The following PAFAH1B2 variants were observed in gnomAD, a reference collection of about 807,000 sequenced individuals.
The protein encoded by PAFAH1B2 is platelet-activating factor acetylhydrolase IB subunit alpha2.
Under a neutral mutation model 28.0 loss-of-function variants are expected in PAFAH1B2, and 8 were observed. That is an observed-to-expected ratio of 0.29 (90% CI 0.17 to 0.52). The LOEUF is 0.52. Among genes scored for constraint, PAFAH1B2 ranks in the 20% least tolerant of loss-of-function variants. The probability of loss-of-function intolerance (pLI) is 0.97; values close to 1 mark genes in which losing one functional copy is unlikely to be tolerated. For missense variants in PAFAH1B2, 190 were observed against 282.6 expected, an observed-to-expected ratio of 0.67 and a Z score of 2.35; for synonymous variants, 104 against 103.2, an observed-to-expected ratio of 1.01 and a Z score of -0.05.
intron 5 of PAFAH1B2, 125 bp downstream of exon 5, chr11:117,164,017 TG>T: frequency 1.1e-6 from 1 of 887,518 alleles, no homozygotes; most frequent in South Asian, 1.6e-5. Flanking sequence ...ATACTTTCGT[TG>T]ACCTCTTCTT....
chr11:117,163,263 C>T (rs960430924), intron 4 of PAFAH1B2, among the ~76,000 whole-genome samples: 12 of 152,186 alleles, frequency 7.9e-5, no homozygotes, highest in Admixed American at 3.9e-4. Context: ...TAAGACCAGC[C>T]TGGGCAATAT....
At chr11:117,171,512 G>T (rs375466162), downstream of PAFAH1B2, 99 of 581,068 alleles carry the variant, frequency 1.7e-4, no homozygotes, top group African/African-American at 1.7e-3. Flanking sequence ...CTCCAGCCTG[G>T]GCAACAGAGC....
chr11:117,146,462 A>G (rs556242615), intron 1 of PAFAH1B2, among the ~76,000 whole-genome samples: 1 of 152,244 alleles, frequency 6.6e-6, no homozygotes, highest in African/African-American at 2.4e-5. Flanking sequence ...AAGAGCAGAT[A>G]ATTCTTCGTT....
At chr11:117,165,834 ATT>A (rs538814703) in intron 5 of PAFAH1B2, among the ~76,000 whole-genome samples, 73 of 139,812 alleles carry the variant, frequency 5.2e-4, no homozygotes, top group East Asian at 8.4e-4. Context: ...GTCATGTAGG[ATT>A]TTTTTTTTTT....
chr11:117,175,917 G>T (rs2029953526), downstream of PAFAH1B2: 1 of 1,535,748 alleles, frequency 6.5e-7, no homozygotes, highest in Middle Eastern at 1.7e-4. Context: ...TTATTTACTG[G>T]CAAGATGAGC....
At chr11:117,164,700 T>C (rs1455870175) in intron 5 of PAFAH1B2, among the ~76,000 whole-genome samples, 1 of 152,074 alleles carries the variant, frequency 6.6e-6, no homozygotes, top group Admixed American at 6.6e-5. Context: ...GCATTAACTC[T>C]TCATGGTCTC....
At chr11:117,152,088 TGTAA>T (rs1956164318) in intron 1 of PAFAH1B2, among the ~76,000 whole-genome samples, 1 of 152,230 alleles carries the variant, frequency 6.6e-6, no homozygotes, top group Non-Finnish European at 1.5e-5. Context: ...TTAATTGTAC[TGTAA>T]GTGTCTAATA....
At chr11:117,174,941 C>T (rs1160667872), downstream of PAFAH1B2, 1 of 1,519,146 alleles carries the variant, frequency 6.6e-7, no homozygotes, top group Admixed American at 2.1e-5. Flanking sequence ...AACAATACCC[C>T]TGAGCCACCT....
intron 1 of PAFAH1B2, among the ~76,000 whole-genome samples, chr11:117,145,609 C>A (rs1176273097): frequency 6.6e-6 from 1 of 152,142 alleles, no homozygotes; most frequent in Non-Finnish European, 1.5e-5. Flanking sequence ...TTGGCTTGGG[C>A]ATTTGATCAT....
downstream of PAFAH1B2, chr11:117,176,923 TGTGGCCAGGCATG>T (rs2030013566): frequency 6.7e-6 from 1 of 150,268 alleles, no homozygotes; most frequent in Non-Finnish European, 1.5e-5. Context: ...ATGCAATATA[TGTGGCCAGGCATG>T]GTGGCTCATG....
At chr11:117,171,648 T>C, downstream of PAFAH1B2, 1 of 1,452,232 alleles carries the variant, frequency 6.9e-7, no homozygotes, top group Non-Finnish European at 9.3e-7. Context: ...CCAAATACTC[T>C]ATCTCAGAGA....
At chr11:117,174,507 GGTGTTTCA>G (rs1956738394), downstream of PAFAH1B2, among the ~76,000 whole-genome samples, 1 of 144,144 alleles carries the variant, frequency 6.9e-6, no homozygotes, top group Non-Finnish European at 1.5e-5. Context: ...TTTTTTTAGT[GGTGTTTCA>G]CTCGTTGCCC....
downstream of PAFAH1B2, among the ~76,000 whole-genome samples, chr11:117,172,022 C>G (rs1409268181): frequency 6.6e-6 from 1 of 151,938 alleles, no homozygotes; most frequent in Non-Finnish European, 1.5e-5. Flanking sequence ...GTGAAAGCAG[C>G]CTGGATCTTG....
chr11:117,171,547 A>G (rs528765494), downstream of PAFAH1B2: 13 of 584,496 alleles, frequency 2.2e-5, no homozygotes, highest in South Asian at 2.7e-4. Flanking sequence ...GGAAAAAAAA[A>G]AAAATACAGT....
chr11:117,169,485 T>C lies in PAFAH1B2; in HGVS notation c.*1786T>C, dbSNP rs780225114. On this transcript the variant is annotated 3_prime_UTR_variant, in exon 6 of 6. Transcript: ENST00000527958. ...AAAGGCAAATTTCAGTGCTTTTGTA[T>C]GTTGGAGGAGGGCTTACTGATGCGT... is the stretch of plus-strand genomic sequence containing the variant. The C allele has an allele frequency of 4.3e-5, 45 of 1,045,622 alleles. No individual in the cohort carries two copies. Among genetic ancestry groups the C allele is most frequent in the Non-Finnish European group, 5.1e-5 (44 of 865,596 alleles). The allele number at this position is 1,045,622 out of a possible 1,614,324, so 64.8% of individuals were successfully genotyped here.
chr11:117,151,219 A>C (rs1956142601), intron 1 of PAFAH1B2, among the ~76,000 whole-genome samples: 1 of 137,476 alleles, frequency 7.3e-6, no homozygotes, highest in African/African-American at 2.7e-5. Context: ...TCATTACTAA[A>C]ATTTTTTCTT....
At chr11:117,174,034 T>G (rs1047159368), downstream of PAFAH1B2, among the ~76,000 whole-genome samples, 1 of 152,242 alleles carries the variant, frequency 6.6e-6, no homozygotes, top group Non-Finnish European at 1.5e-5. Context: ...AAATCTGTTT[T>G]GATTCTGTCT....
chr11:117,153,159 T>G (rs868084548), intron 2 of PAFAH1B2, among the ~76,000 whole-genome samples: 2 of 152,234 alleles, frequency 1.3e-5, no homozygotes, highest in South Asian at 2.1e-4. Context: ...AATTTGTTAC[T>G]GTAAGTAAAA....
At chr11:117,159,774 A>G (rs924197797) in intron 2 of PAFAH1B2, 160 bp from the exon 3 acceptor site, 11 of 527,862 alleles carry the variant, frequency 2.1e-5, no homozygotes, top group Admixed American at 3.1e-5. Context: ...TTGTTTTTGT[A>G]GAGATGGGAT....
Sources: allele counts gnomAD v4.1 joint callset (sites outside exome capture counted in the v4.1 genomes callset), GRCh38; gene constraint gnomAD v4.1.1; transcripts MANE v1.5; gene names NCBI Gene and HGNC (gene_info 2026-07-23, HGNC 2026-07-21).